ARMH3: variants seen among roughly 807,000 people sequenced by gnomAD.
The protein encoded by ARMH3 is armadillo-like helical domain-containing protein 3.
Under a neutral mutation model 99.1 loss-of-function variants are expected in ARMH3, and 60 were observed. The ratio of observed to expected loss-of-function variants is 0.61; its 90% CI spans 0.49 to 0.75. The LOEUF (loss-of-function observed/expected upper bound fraction) is 0.75, where lower values mean the gene tolerates loss of function less well. ARMH3 is among the 30% of genes least tolerant of loss of function. ARMH3 has a pLI of 0.00. For missense variants in ARMH3, 679 were observed against 843.1 expected, an observed-to-expected ratio of 0.81 and a Z score of 2.41; for synonymous variants, 285 against 292.8, an observed-to-expected ratio of 0.97 and a Z score of 0.27.
chr10:102,049,031 C>T (rs1261319264), intron 1 of ARMH3, among the ~76,000 whole-genome samples: 1 of 151,616 alleles, frequency 6.6e-6, no homozygotes, highest in Admixed American at 6.6e-5. Flanking sequence ...AGAATGTGGG[C>T]ATCATTCTTT....
At chr10:101,849,432 G>A (rs901663266) in intron 25 of ARMH3, among the ~76,000 whole-genome samples, 4 of 152,204 alleles carry the variant, frequency 2.6e-5, no homozygotes, top group Non-Finnish European at 5.9e-5. Flanking sequence ...TTAGGAAGAC[G>A]TGATTCCATA....
intron 8 of ARMH3, among the ~76,000 whole-genome samples, chr10:102,018,296 A>T (rs2066795100): frequency 6.6e-6 from 1 of 152,186 alleles, no homozygotes; most frequent in African/African-American, 2.4e-5. Flanking sequence ...CATCTCAAAA[A>T]CCTATAAATC....
intron 11 of ARMH3, among the ~76,000 whole-genome samples, chr10:102,011,088 C>T (rs1042128285): frequency 3.9e-5 from 6 of 152,174 alleles, no homozygotes; most frequent in African/African-American, 1.4e-4. Context: ...CTAGATTTAT[C>T]TCTTCAAAAT....
chr10:102,009,610 G>A (rs955515015), intron 12 of ARMH3, among the ~76,000 whole-genome samples, 161 bp from the exon 13 acceptor site: 2 of 152,216 alleles, frequency 1.3e-5, no homozygotes, highest in African/African-American at 4.8e-5. Context: ...ATGCAAAAGT[G>A]TATAGGCAGG....
At chr10:101,926,918 C>T (rs891462757) in intron 23 of ARMH3, among the ~76,000 whole-genome samples, 2 of 152,126 alleles carry the variant, frequency 1.3e-5, no homozygotes, top group African/African-American at 4.8e-5. Flanking sequence ...CGGGAAAGAA[C>T]AAACGCCCAG....
intron 8 of ARMH3, among the ~76,000 whole-genome samples, chr10:102,019,075 A>T (rs901102703): frequency 2.0e-5 from 3 of 151,908 alleles, no homozygotes; most frequent in African/African-American, 7.3e-5. Flanking sequence ...TTGAGATGGA[A>T]TTTTGCTCTT....
intron 19 of ARMH3, 110 bp from the exon 20 acceptor site, chr10:101,975,410 A>G: frequency 1.4e-6 from 1 of 716,206 alleles, no homozygotes. Flanking sequence ...GACACTGGAT[A>G]TGAATATGTA....
rs1358258237 is a variant in ARMH3 at position 101,975,193 on chromosome 10, A to C, written c.1495+19T>G. On this transcript the variant is annotated intron_variant, in intron 20 of 25. Coordinates refer to ENST00000370033, the MANE Select transcript of ARMH3 (RefSeq NM_024541.3). ...AAAAGGTATAGAAAAAGGAAGATGA[A>C]TTCAAGAGAGAAAGTTACCTGACCA... 2 of 1,605,812 alleles carry C rather than the reference A, an allele frequency of 1.2e-6. No individual in the cohort carries two copies. Among genetic ancestry groups the C allele is most frequent in the East Asian group, 4.5e-5 (2 of 44,680 alleles).
intron 1 of ARMH3, among the ~76,000 whole-genome samples, chr10:102,041,655 C>CA (rs922162334): frequency 6.9e-6 from 1 of 145,140 alleles, no homozygotes; most frequent in Non-Finnish European, 1.5e-5. Context: ...TATTTTTAGA[C>CA]TTTTTTTTTT....
chr10:101,884,696 CATAACATTAGATTTGGCA>C (rs1444278311), intron 24 of ARMH3, among the ~76,000 whole-genome samples: 1 of 151,952 alleles, frequency 6.6e-6, no homozygotes, highest in African/African-American at 2.4e-5. Flanking sequence ...GGAAAAGCTT[CATAACATTAGATTTGGCA>C]ATAACTTCTT....
At chr10:101,913,225 C>T (rs1458528500) in intron 23 of ARMH3, 1 of 152,570 alleles carries the variant, frequency 6.6e-6, no homozygotes, top group East Asian at 1.9e-4. Context: ...AAGTGATCCT[C>T]ATGCCTCAGC....
chr10:101,997,015 A>T (rs1039559436), intron 15 of ARMH3, among the ~76,000 whole-genome samples: 1 of 152,224 alleles, frequency 6.6e-6, no homozygotes, highest in African/African-American at 2.4e-5. Flanking sequence ...CTCTAATCCC[A>T]GCACTTTGGG....
chr10:101,988,014 TC>T (rs1457737213), intron 19 of ARMH3, among the ~76,000 whole-genome samples: 2 of 152,250 alleles, frequency 1.3e-5, no homozygotes, highest in Non-Finnish European at 2.9e-5. Flanking sequence ...TTAAAAAGCA[TC>T]CTTTTGAGAG....
intron 24 of ARMH3, among the ~76,000 whole-genome samples, chr10:101,888,058 CCTTT>C (rs1452098917): frequency 6.9e-6 from 1 of 145,788 alleles, no homozygotes; most frequent in South Asian, 2.2e-4. Flanking sequence ...GTAAATGTCT[CCTTT>C]TTTTTTTTTT....
chr10:101,956,087 A>G (rs1473162825), intron 22 of ARMH3, among the ~76,000 whole-genome samples: 1 of 152,212 alleles, frequency 6.6e-6, no homozygotes, highest in Non-Finnish European at 1.5e-5. Context: ...GAAATAAGTT[A>G]TACTTGCTGT....
Position 102,006,558 on chromosome 10 carries a change from T to G in ARMH3, c.1030A>C (p.Thr344Pro). 6.2e-6 allele frequency: 10 copies of G among 1,613,846 alleles called. No individual in the cohort carries two copies. The highest frequency in any genetic ancestry group is 8.5e-6 in the Non-Finnish European group (10 of 1,179,802). ...GGCTCACCATCAGAGGAAGGCGGTG[T>G]GGTCCCAAGTGGTGTGACTGGGGTT... ...PTTPVTPLGTTPPSSDVISSV... is the reference protein window; with the variant it reads ...PTTPVTPLGTPPPSSDVISSV... The change falls in exon 14 of 26, where the codon ACA (threonine) becomes CCA (proline). Residue 344 changes from threonine to proline, a missense_variant. This residue lies in a region of ARMH3 where 389 missense variants were observed against 456.5 expected (regional missense o/e 0.85). Coordinates refer to ENST00000370033, the MANE Select transcript of ARMH3 (RefSeq NM_024541.3).
chr10:101,864,053 T>C (rs1589925311), intron 24 of ARMH3, among the ~76,000 whole-genome samples: 4 of 84,772 alleles, frequency 4.7e-5, no homozygotes, highest in Admixed American at 3.2e-4. Flanking sequence ...AGAGCAAGAC[T>C]CCATCTCAAA....
intron 24 of ARMH3, among the ~76,000 whole-genome samples, chr10:101,867,047 A>G (rs1486970718): frequency 6.6e-6 from 1 of 152,242 alleles, no homozygotes; most frequent in African/African-American, 2.4e-5. Flanking sequence ...TAAGGCAGGA[A>G]CAGTAACCCT....
intron 1 of ARMH3, among the ~76,000 whole-genome samples, chr10:102,054,179 A>G (rs2136310889): frequency 6.6e-6 from 1 of 152,216 alleles, no homozygotes; most frequent in Middle Eastern, 3.4e-3. Flanking sequence ...TCACGAGGTC[A>G]GGAGTTGGAG....
Sources: allele counts gnomAD v4.1 joint callset (sites outside exome capture counted in the v4.1 genomes callset), GRCh38; gene constraint gnomAD v4.1.1; regional missense constraint gnomAD v4.1.1; transcripts MANE v1.5; gene names NCBI Gene and HGNC (gene_info 2026-07-23, HGNC 2026-07-21).